C11orf65: variants seen among roughly 807,000 people sequenced by gnomAD.
C11orf65 encodes the protein chromosome 11 open reading frame 65, also known as protein MFI.
C11orf65 carries 38 observed loss-of-function variants against 35.3 expected under a neutral mutation model. The ratio of observed to expected loss-of-function variants is 1.08; its 90% CI spans 0.83 to 1.41. The LOEUF is 1.41. Among genes scored for constraint, C11orf65 ranks in the 40% most tolerant of loss-of-function variants. The pLI is 0.00. For synonymous variants in C11orf65, 105 were observed against 114.4 expected (o/e 0.92, Z 0.53); for missense variants, 370 against 367.1 (o/e 1.01, Z -0.06).
Position 108,331,879 on chromosome 11 carries a change from C to G in C11orf65, c.300-312G>C, listed in dbSNP as rs1555124455. On this transcript the variant is annotated intron_variant, in intron 3 of 3. Transcript: ENST00000524755. ...AAATCTAATAGTTCTTTTCTTACAG[C>G]TAATCTCTAGAATTTCAATGGATCA... 2 of 1,613,036 alleles carry G rather than the reference C, an allele frequency of 1.2e-6. No homozygotes were observed. The highest frequency in any genetic ancestry group is 1.3e-5 in the African/African-American group (1 of 74,874).
At position 108,423,551 on chromosome 11, in the gene C11orf65, G is replaced by A. The variant is rs553494363; in HGVS notation, c.174+8195C>T. 1.9e-3 allele frequency among the ~76,000 whole-genome samples: 291 copies of A among 152,258 alleles called. 2 individuals are homozygous for A. Among genetic ancestry groups the A allele is most frequent in the African/African-American group, 6.4e-3 (266 of 41,556 alleles). On this transcript the variant is annotated intron_variant, in intron 3 of 8. Coordinates refer to ENST00000393084, the MANE Select transcript of C11orf65 (RefSeq NM_152587.5). ...CAGCAGATCTCCCAGCACAGTGCTC[G>A]AGCTCTGCTAAGGGACAGACTGCCT...
chr11:108,406,954 G>T lies in C11orf65; in HGVS notation c.238C>A (p.Pro80Thr), dbSNP rs2092552520. ...VRFRLGGVKFPPDIYYKIFTH... is the reference protein window; with the variant it reads ...VRFRLGGVKFTPDIYYKIFTH... The stretch of plus-strand genomic sequence containing the variant: ...AAAATCTTATAGTATATATCAGGTG[G>T]AAATTTAACCTGTAGAAGGAAAAGT... The change falls in exon 5 of 9, where the codon CCA (proline) becomes ACA (threonine). Residue 80 changes from proline (P) to threonine (T), a missense_variant. Coordinates refer to ENST00000393084, the MANE Select transcript of C11orf65 (RefSeq NM_152587.5). 4 of 1,606,982 alleles carry T rather than the reference G, an allele frequency of 2.5e-6. No homozygotes were observed. The highest frequency in any genetic ancestry group is 3.4e-6 in the Non-Finnish European group (4 of 1,174,360).
intron 2 of C11orf65, among the ~76,000 whole-genome samples, chr11:108,457,815 A>G (rs1161899242): frequency 6.6e-6 from 1 of 152,222 alleles, no homozygotes; most frequent in East Asian, 1.9e-4. Context: ...TTACATTACT[A>G]TAACTATGCA....
Position 108,382,766 on chromosome 11 carries a change from T to TGTA in C11orf65, c.*252_*254dup, listed in dbSNP as rs2091892179. 1.0e-6 allele frequency: 1 copy of TGTA among 983,800 alleles called. No individual in the cohort carries two copies. Among genetic ancestry groups the TGTA allele is most frequent in the Non-Finnish European group, 1.2e-6 (1 of 828,468 alleles). 60.9% of individuals were successfully genotyped at this position (983,800 alleles called of 1,614,324 possible). On this transcript the variant is annotated 3_prime_UTR_variant, in exon 9 of 9. Coordinates refer to ENST00000393084, the MANE Select transcript of C11orf65 (RefSeq NM_152587.5). ...CAGTCTGAAGCTTCTTGCACCTAAATGTAGTCTCTTTACTTAAGTGTGACT... is the reference window on the plus strand; with the variant it reads ...CAGTCTGAAGCTTCTTGCACCTAAATGTAGTAGTCTCTTTACTTAAGTGTGACT...
Position 108,335,941 on chromosome 11 carries a change from T to C in C11orf65, c.227-649A>G, listed in dbSNP as rs876658559. 21 of 1,611,508 alleles carry C rather than the reference T, an allele frequency of 1.3e-5. No homozygotes were observed. ...AAACACGGAAACTAGGAAGAGGAAA[T>C]TAACTATCTGTACTTATAAGGTAAC... On this transcript the variant is annotated intron_variant, in intron 2 of 3. Transcript: ENST00000524755.
intron 3 of C11orf65, among the ~76,000 whole-genome samples, chr11:108,415,624 T>C (rs552101263): frequency 4.2e-4 from 64 of 152,222 alleles, no homozygotes; most frequent in Admixed American, 1.4e-3. Flanking sequence ...AAATTTTAAG[T>C]GGAAAGGCAA....
intron 2 of C11orf65, among the ~76,000 whole-genome samples, chr11:108,345,069 G>T (rs1279112651): frequency 6.6e-6 from 1 of 152,136 alleles, no homozygotes; most frequent in African/African-American, 2.4e-5. Context: ...GTTTGGGGCA[G>T]CTGGGTAGAT....
At chr11:108,411,269 G>A (rs887873261) in intron 3 of C11orf65, among the ~76,000 whole-genome samples, 3 of 151,806 alleles carry the variant, frequency 2.0e-5, no homozygotes, top group African/African-American at 4.8e-5. Flanking sequence ...CAAAAATTTG[G>A]TGGTTTTCTA....
At chr11:108,372,930 A>G (rs1178615964) in intron 2 of C11orf65, among the ~76,000 whole-genome samples, 1 of 152,090 alleles carries the variant, frequency 6.6e-6, no homozygotes, top group Non-Finnish European at 1.5e-5. Context: ...AAAAAAAAAA[A>G]TTAGCTGGGT....
intron 2 of C11orf65, among the ~76,000 whole-genome samples, chr11:108,446,949 A>C (rs2093271690): frequency 6.6e-6 from 1 of 152,196 alleles, no homozygotes; most frequent in South Asian, 2.1e-4. Flanking sequence ...TCTGCCAAGC[A>C]AATGGAAAAC....
chr11:108,384,482 T>C (rs981309424), intron 8 of C11orf65, among the ~76,000 whole-genome samples: 2 of 152,176 alleles, frequency 1.3e-5, no homozygotes, highest in South Asian at 2.1e-4. Flanking sequence ...CAAGATCATA[T>C]AGCCAGTAAA....
rs527756603 is a variant in C11orf65, at chr11:108,335,293, C to A, written c.227-1G>T. 6.6e-7 allele frequency: 1 copy of A among 1,508,246 alleles called. No individual in the cohort carries two copies. Among genetic ancestry groups the A allele is most frequent in the African/African-American group, 1.4e-5 (1 of 72,208 alleles). 93.4% of individuals were successfully genotyped at this position (1,508,246 alleles called of 1,614,324 possible). On this transcript the variant is annotated splice_acceptor_variant, in intron 2 of 3. Transcript: ENST00000524755. LOFTEE classifies it high-confidence loss of function. ...GCTTTTCTCCATTTTTTTTGTGTCT[C>A]TGAAAGACAATCATTATTATATGGT...
At chr11:108,398,049 A>C (rs1451344840) in intron 6 of C11orf65, among the ~76,000 whole-genome samples, 1 of 152,192 alleles carries the variant, frequency 6.6e-6, no homozygotes, top group Non-Finnish European at 1.5e-5. Flanking sequence ...CAAAAGATGA[A>C]GATGTTGTTG....
At chr11:108,390,808 C>G (rs2092142529) in intron 7 of C11orf65, among the ~76,000 whole-genome samples, 1 of 152,186 alleles carries the variant, frequency 6.6e-6, no homozygotes, top group African/African-American at 2.4e-5. Context: ...TATAGGGAAT[C>G]TCAAGACTGA....
intron 2 of C11orf65, chr11:108,365,583 A>G (rs1246087713): frequency 1.3e-5 from 19 of 1,501,676 alleles, no homozygotes; most frequent in Non-Finnish European, 1.7e-5. Context: ...ACCTGCCAAC[A>G]TACTTTAAGT....
intron 3 of C11orf65, among the ~76,000 whole-genome samples, chr11:108,414,465 G>A (rs2092703965): frequency 6.6e-6 from 1 of 151,898 alleles, no homozygotes; most frequent in Admixed American, 6.6e-5. Context: ...TTATAACCTA[G>A]ATGAAAGAGA....
chr11:108,462,260 G>A (rs975490356), intron 1 of C11orf65, among the ~76,000 whole-genome samples: 2 of 152,148 alleles, frequency 1.3e-5, no homozygotes, highest in African/African-American at 2.4e-5. Flanking sequence ...TCCCAGGCTG[G>A]TCTTGAATTC....
intron 7 of C11orf65, among the ~76,000 whole-genome samples, chr11:108,392,034 G>T: frequency 6.6e-6 from 1 of 151,352 alleles, no homozygotes; most frequent in East Asian, 1.9e-4. Context: ...GATTACAGGC[G>T]TGAGCCACTA....
chr11:108,323,069 G>T (rs555112943), intron 6 of C11orf65, among the ~76,000 whole-genome samples: 5 of 152,210 alleles, frequency 3.3e-5, no homozygotes, highest in South Asian at 2.1e-4. Context: ...GAAGAAAGAG[G>T]ATATAAATGA....
Sources: gnomAD v4.1 joint callset for allele counts (sites outside exome capture counted in the v4.1 genomes callset) on GRCh38, gnomAD v4.1.1 for gene constraint, MANE v1.5 for transcripts, NCBI Gene and HGNC (gene_info 2026-07-23, HGNC 2026-07-21) for gene names.